Variants in PPP2CA observed in about 807,000 individuals in gnomAD.
The protein encoded by PPP2CA is serine/threonine-protein phosphatase 2A catalytic subunit alpha isoform.
PPP2CA carries 5 observed loss-of-function variants against 38.8 expected under a neutral mutation model. That is an observed-to-expected ratio of 0.13 (90% CI 0.07 to 0.27). The LOEUF (loss-of-function observed/expected upper bound fraction) is 0.27. Among genes scored for constraint, PPP2CA ranks in the 10% least tolerant of loss-of-function variants. The probability of loss-of-function intolerance (pLI) is 1.00; values close to 1 mark genes in which losing one functional copy is unlikely to be tolerated. For synonymous variants in PPP2CA, 152 were observed against 134.0 expected, an observed-to-expected ratio of 1.13 and a Z score of -0.93; for missense variants, 88 against 389.7, an observed-to-expected ratio of 0.23 and a Z score of 6.52.
At position 134,197,796 on chromosome 5, in the gene PPP2CA, A is replaced by T. The variant is rs370911403; in HGVS notation, c.906T>A (p.Arg302=). The change falls in exon 7 of 7, where the codon CGT becomes CGA. Residue 302 remains arginine (R), a synonymous_variant. Coordinates refer to ENST00000481195, the MANE Select transcript of PPP2CA (RefSeq NM_002715.4). The stretch of plus-strand genomic sequence containing the variant: ...ATTACAGGAAGTAGTCTGGGGTACG[A>T]CGAGTAACATGTGGCTCGCCTCTAC... ...APRRGEPHVT[R]RTPDYFL 1 of 1,614,144 alleles carries T rather than the reference A, an allele frequency of 6.2e-7. No individual in the cohort carries two copies. Among genetic ancestry groups the T allele is most frequent in the African/African-American group, 1.3e-5 (1 of 75,056 alleles).
intron 1 of PPP2CA, among the ~76,000 whole-genome samples, chr5:134,210,803 C>T (rs187532585): frequency 8.5e-5 from 13 of 152,112 alleles, no homozygotes; most frequent in African/African-American, 2.4e-4. Flanking sequence ...GGTGACAAAG[C>T]GAGACTCCAT....
intron 1 of PPP2CA, among the ~76,000 whole-genome samples, chr5:134,215,284 G>A (rs1057021793): frequency 3.3e-5 from 5 of 152,010 alleles, no homozygotes; most frequent in South Asian, 2.1e-4. Context: ...AAAATTATTC[G>A]TAGGGCTGGG....
chr5:134,219,779 G>A (rs1762398722), intron 1 of PPP2CA, among the ~76,000 whole-genome samples: 1 of 152,128 alleles, frequency 6.6e-6, no homozygotes, highest in South Asian at 2.1e-4. Context: ...GGGAGGCTGA[G>A]GCGGGCGGAT....
intron 1 of PPP2CA, among the ~76,000 whole-genome samples, chr5:134,208,308 C>A (rs1762127237): frequency 1.3e-5 from 2 of 152,212 alleles, no homozygotes; most frequent in South Asian, 4.1e-4. Flanking sequence ...ACAACTGACT[C>A]AAATTTTCTA....
intron 6 of PPP2CA, among the ~76,000 whole-genome samples, chr5:134,198,697 C>T (rs1027960071): frequency 2.0e-5 from 3 of 152,092 alleles, no homozygotes; most frequent in African/African-American, 7.2e-5. Context: ...TCCTGAGTAG[C>T]TGGGATTACA....
At chr5:134,217,513 C>CA (rs202102210) in intron 1 of PPP2CA, among the ~76,000 whole-genome samples, 41 of 152,028 alleles carry the variant, frequency 2.7e-4, no homozygotes, top group African/African-American at 9.6e-4. Flanking sequence ...AATTCACAGG[C>CA]AAAAAAAATT....
chr5:134,206,117 C>A lies in PPP2CA; in HGVS notation c.117G>T (p.Leu39=), dbSNP rs753984999. The A allele has an allele frequency of 6.2e-7, 1 of 1,613,886 alleles. No homozygotes were observed. The highest frequency in any genetic ancestry group is 8.5e-7 in the Non-Finnish European group (1 of 1,179,818). The change falls in exon 2 of 7, where the codon CTG becomes CTT. Residue 39 remains leucine, a synonymous_variant. Coordinates refer to ENST00000481195, the MANE Select transcript of PPP2CA (RefSeq NM_002715.4). ...CCTCTTGCACGTTGGATTCTTTTGTCAGGATTTCTTTAGCCTACAGATGGG... is the reference window on the plus strand; with the variant it reads ...CCTCTTGCACGTTGGATTCTTTTGTAAGGATTTCTTTAGCCTACAGATGGG... ...KSLCEKAKEI[L]TKESNVQEVR...
intron 1 of PPP2CA, among the ~76,000 whole-genome samples, chr5:134,223,008 C>T (rs991622699): frequency 2.0e-5 from 3 of 152,062 alleles, no homozygotes; most frequent in Non-Finnish European, 4.4e-5. Context: ...AAATAATGGC[C>T]TCAGGATTTT....
chr5:134,220,456 C>CAAAAAAAAAAAAA (rs10649430), intron 1 of PPP2CA, among the ~76,000 whole-genome samples: 10 of 54,040 alleles, frequency 1.9e-4, no homozygotes, highest in South Asian at 1.3e-3. Context: ...GACTCTATCT[C>CAAAAAAAAAAAAA]AAAAAAAAAA....
chr5:134,214,688 T>C (rs1300277302), intron 1 of PPP2CA, among the ~76,000 whole-genome samples: 4 of 152,214 alleles, frequency 2.6e-5, no homozygotes, highest in Non-Finnish European at 4.4e-5. Flanking sequence ...GAACATCTGA[T>C]CATTAAGAGC....
rs1761877065 is a variant in PPP2CA at position 134,197,383 on chromosome 5, G to A, written c.*389C>T. 6.0e-6 allele frequency: 1 copy of A among 165,974 alleles called. No individual in the cohort carries two copies. The highest frequency in any genetic ancestry group is 6.2e-5 in the Admixed American group (1 of 16,040). 10.3% of individuals were successfully genotyped at this position (165,974 alleles called of 1,614,324 possible). ...AAATGTTCATTAAGCTCCAATGATT[G>A]TTTGCTGCTATCCTTATCTACAGTC... On this transcript the variant is annotated 3_prime_UTR_variant, in exon 7 of 7. Coordinates refer to ENST00000481195, the MANE Select transcript of PPP2CA (RefSeq NM_002715.4).
At position 134,205,902 on chromosome 5, in the gene PPP2CA, C is replaced by A; in HGVS notation, c.312+20G>T. 1.3e-6 allele frequency: 2 copies of A among 1,598,950 alleles called. No homozygotes were observed. Among genetic ancestry groups the A allele is most frequent in the Non-Finnish European group, 8.6e-7 (1 of 1,166,660 alleles). On this transcript the variant is annotated intron_variant, in intron 2 of 6. Coordinates refer to ENST00000481195, the MANE Select transcript of PPP2CA (RefSeq NM_002715.4). ...CTGTCTTACCCATTTCAACATGCCCCAACATAAAATTGAAATTACCTTAAG... is the reference window on the plus strand; with the variant it reads ...CTGTCTTACCCATTTCAACATGCCCAAACATAAAATTGAAATTACCTTAAG...
intron 1 of PPP2CA, among the ~76,000 whole-genome samples, chr5:134,206,657 T>G (rs1465108350): frequency 2.6e-5 from 4 of 152,154 alleles, no homozygotes; most frequent in African/African-American, 4.8e-5. Context: ...GCTGGCTAAT[T>G]TTCACAAACT....
rs1279903855 is a variant in PPP2CA, at chr5:134,194,352, T to C, written c.*3420A>G. On this transcript the variant is annotated 3_prime_UTR_variant, in exon 7 of 7. Transcript: ENST00000481195. ...CAATGTGTGAGGACGAAGGCTTTAA[T>C]GCAAAATAGCTTTAGCTCACAGAAC... is the stretch of plus-strand genomic sequence containing the variant. 2 of 152,200 alleles carry C rather than the reference T, an allele frequency of 1.3e-5. No individual in the cohort carries two copies. Among genetic ancestry groups the C allele is most frequent in the Non-Finnish European group, 2.9e-5 (2 of 68,034 alleles). The allele number at this position is 152,200 out of a possible 1,614,324, so 9.4% of individuals were successfully genotyped here. A position where few individuals can be genotyped will look rare whatever the true frequency, so the allele number is the denominator to read the frequency against.
At chr5:134,221,534 C>T (rs1405064855) in intron 1 of PPP2CA, among the ~76,000 whole-genome samples, 1 of 152,160 alleles carries the variant, frequency 6.6e-6, no homozygotes, top group Non-Finnish European at 1.5e-5. Context: ...GGGAAATTAT[C>T]TAGGGTTTTC....
chr5:134,225,743 G>C lies in PPP2CA; in HGVS notation c.102+17C>G. ...CTCGGCCCCGCGGCGGCTGTCCGCA[G>C]CCGTACTACAGCTCACCTTCTCGCA... On this transcript the variant is annotated intron_variant, in intron 1 of 6. Transcript: ENST00000481195. The C allele has an allele frequency of 6.3e-7, 1 of 1,597,766 alleles. No individual in the cohort carries two copies. Among genetic ancestry groups the C allele is most frequent in the South Asian group, 1.1e-5 (1 of 90,080 alleles).
chr5:134,224,570 G>A lies in PPP2CA; in HGVS notation c.102+1190C>T, dbSNP rs547590302. ...TGCTAATATGATACTCCACTATTCT[G>A]TACTAAAGTGACGTGCTGCAAAGTT... On this transcript the variant is annotated intron_variant, in intron 1 of 6. Coordinates refer to ENST00000481195, the MANE Select transcript of PPP2CA (RefSeq NM_002715.4). Among the ~76,000 whole-genome samples, 8 of 152,270 alleles carry A rather than the reference G, an allele frequency of 5.3e-5. No homozygotes were observed. The South Asian group carries it at 1.7e-3, about 32-fold the overall frequency.
At chr5:134,225,420 G>A (rs1043614785) in intron 1 of PPP2CA, 1 of 224,926 alleles carries the variant, frequency 4.4e-6, no homozygotes, top group Non-Finnish European at 8.8e-6. Flanking sequence ...TTCCCAAGCC[G>A]CAGAATCCAA....
Position 134,226,020 on chromosome 5 carries a change from C to G in PPP2CA, c.-159G>C. On this transcript the variant is annotated 5_prime_UTR_variant, in exon 1 of 7. Transcript: ENST00000481195. ...GGCTCTCACCGCAGTACTCGGCCGTCGGCCGCTGCGCCTCCTCCTCCGCTC... is the reference window on the plus strand; with the variant it reads ...GGCTCTCACCGCAGTACTCGGCCGTGGGCCGCTGCGCCTCCTCCTCCGCTC... 1.7e-6 allele frequency: 1 copy of G among 573,744 alleles called. No homozygotes were observed. Among genetic ancestry groups the G allele is most frequent in the Non-Finnish European group, 3.0e-6 (1 of 337,530 alleles). 35.5% of individuals were successfully genotyped at this position (573,744 alleles called of 1,614,324 possible).
Sources: gnomAD v4.1 joint callset for allele counts (sites outside exome capture counted in the v4.1 genomes callset) on GRCh38, gnomAD v4.1.1 for gene constraint, MANE v1.5 for transcripts, NCBI Gene and HGNC (gene_info 2026-07-23, HGNC 2026-07-21) for gene names.